The following PTPRG variants were observed in gnomAD, a reference collection of about 807,000 sequenced individuals.
PTPRG encodes protein tyrosine phosphatase receptor type G, also known as receptor-type tyrosine-protein phosphatase gamma.
A neutral mutation model predicts 165.3 loss-of-function variants in PTPRG; 102 were observed. The observed-to-expected ratio is 0.62, with a 90% CI of 0.53 to 0.73. The LOEUF (loss-of-function observed/expected upper bound fraction) is 0.73, where lower values mean the gene tolerates loss of function less well. Among genes scored for constraint, PTPRG ranks in the 30% least tolerant of loss-of-function variants. The probability of loss-of-function intolerance (pLI) is 0.00; values close to 1 mark genes in which losing one functional copy is unlikely to be tolerated. For synonymous variants in PTPRG, 675 were observed against 669.5 expected (o/e 1.01, Z -0.13); for missense variants, 1,866 against 1,861.4 (o/e 1.00, Z -0.05).
At chr3:61,872,062 T>A (rs1393541052) in intron 2 of PTPRG, among the ~76,000 whole-genome samples, 1 of 152,232 alleles carries the variant, frequency 6.6e-6, no homozygotes, top group Non-Finnish European at 1.5e-5. Flanking sequence ...TATATTCCAT[T>A]GACTGTTGAA....
At chr3:62,157,303 A>G (rs2106699105) in intron 7 of PTPRG, 79 bp downstream of exon 7, 2 of 1,411,784 alleles carry the variant, frequency 1.4e-6, no homozygotes, top group South Asian at 2.7e-5. Context: ...GCTAGAGTAT[A>G]CCACTAAGGA....
rs78611124 is a variant in PTPRG at position 61,999,383 on chromosome 3, C to T, written c.371-3966C>T. On this transcript the variant is annotated intron_variant, in intron 3 of 29. Transcript: ENST00000474889. The stretch of plus-strand genomic sequence containing the variant: ...TTTTGAAGTGCACTAATCCCATTCA[C>T]GAGGGTTCCACCCTCATGGCCTAAT... Among the ~76,000 whole-genome samples the T allele has an allele frequency of 1.8e-3, 272 of 152,230 alleles. 2 individuals are homozygous for T. The highest frequency in any genetic ancestry group is 6.3e-3 in the African/African-American group (260 of 41,536).
chr3:61,758,235 AT>A (rs1328328784), intron 2 of PTPRG, among the ~76,000 whole-genome samples: 1 of 151,976 alleles, frequency 6.6e-6, no homozygotes, highest in Admixed American at 6.6e-5. Context: ...AGTATTCCCG[AT>A]TTAGCCTCTC....
intron 4 of PTPRG, among the ~76,000 whole-genome samples, chr3:62,057,230 A>G (rs183735379): frequency 2.7e-4 from 41 of 152,174 alleles, no homozygotes; most frequent in Non-Finnish European, 5.4e-4. Context: ...TGGGTTTTTA[A>G]CCCTGGTGTT....
At chr3:61,830,487 A>G (rs1408746598) in intron 2 of PTPRG, among the ~76,000 whole-genome samples, 4 of 151,814 alleles carry the variant, frequency 2.6e-5, no homozygotes, top group Admixed American at 6.6e-5. Context: ...GATTCTTGAC[A>G]GATTTGTCCA....
Position 61,584,423 on chromosome 3 carries a change from A to G in PTPRG, c.85+22051A>G, listed in dbSNP as rs1031380018. On this transcript the variant is annotated intron_variant, in intron 1 of 29. Coordinates refer to ENST00000474889, the MANE Select transcript of PTPRG (RefSeq NM_002841.4). ...ATTACCTCCAGAGTTCCTCTCTCTTATCGTATCTTGTCCCTCGCTCCATTT... is the reference window on the plus strand; with the variant it reads ...ATTACCTCCAGAGTTCCTCTCTCTTGTCGTATCTTGTCCCTCGCTCCATTT... Among the ~76,000 whole-genome samples the G allele has an allele frequency of 4.6e-5, 7 of 151,864 alleles. No homozygotes were observed. The South Asian group carries it at 8.3e-4, about 18-fold the overall frequency.
At chr3:61,825,809 C>G (rs567712985) in intron 2 of PTPRG, among the ~76,000 whole-genome samples, 3 of 138,104 alleles carry the variant, frequency 2.2e-5, no homozygotes, top group South Asian at 2.4e-4. Flanking sequence ...CCACATCCAG[C>G]TACTTTTTGT....
At chr3:62,075,360 G>T (rs980343548) in intron 4 of PTPRG, among the ~76,000 whole-genome samples, 1 of 152,058 alleles carries the variant, frequency 6.6e-6, no homozygotes. Flanking sequence ...TTCTTTCTTG[G>T]GTTAGTAGTA....
At chr3:62,136,596 T>C (rs751475159) in intron 6 of PTPRG, among the ~76,000 whole-genome samples, 1 of 152,172 alleles carries the variant, frequency 6.6e-6, no homozygotes, top group Non-Finnish European at 1.5e-5. Context: ...CTAAATCTCA[T>C]CTTGAATTCC....
intron 5 of PTPRG, among the ~76,000 whole-genome samples, chr3:62,121,816 A>C (rs915651868): frequency 6.6e-6 from 1 of 152,224 alleles, no homozygotes; most frequent in African/African-American, 2.4e-5. Context: ...ATTTTCTCAG[A>C]GGAGAGAGAG....
chr3:61,858,647 A>G (rs551920316), intron 2 of PTPRG, among the ~76,000 whole-genome samples: 1 of 152,200 alleles, frequency 6.6e-6, no homozygotes, highest in Non-Finnish European at 1.5e-5. Flanking sequence ...AGTCTCTATT[A>G]GTACTTAAGA....
At chr3:61,616,302 C>G (rs1701294843) in intron 1 of PTPRG, among the ~76,000 whole-genome samples, 1 of 152,170 alleles carries the variant, frequency 6.6e-6, no homozygotes, top group Non-Finnish European at 1.5e-5. Context: ...GATATTGCAG[C>G]CCCCAGGCCC....
chr3:61,694,754 T>C (rs945339679), intron 1 of PTPRG, among the ~76,000 whole-genome samples: 2 of 152,230 alleles, frequency 1.3e-5, no homozygotes, highest in African/African-American at 4.8e-5. Context: ...TGTATTGATT[T>C]AGAATGATTT....
chr3:61,781,909 A>G (rs1045567037), intron 2 of PTPRG, among the ~76,000 whole-genome samples: 2 of 48,856 alleles, frequency 4.1e-5, no homozygotes, highest in African/African-American at 1.4e-4. Context: ...TTTTTTTTTT[A>G]TGGTAGAGAT....
intron 1 of PTPRG, among the ~76,000 whole-genome samples, chr3:61,681,176 G>C (rs1331692875): frequency 6.6e-6 from 1 of 150,482 alleles, no homozygotes; most frequent in African/African-American, 2.4e-5. Flanking sequence ...CTTTTAGCTT[G>C]TGAAAAGCTT....
At chr3:62,111,871 C>T (rs532206934) in intron 5 of PTPRG, among the ~76,000 whole-genome samples, 40 of 152,312 alleles carry the variant, frequency 2.6e-4, no homozygotes, top group African/African-American at 9.6e-4. Flanking sequence ...TTTTGCATAT[C>T]TGTCCTCAAA....
chr3:61,843,275 T>G lies in PTPRG; in HGVS notation c.190+94293T>G. Among the ~76,000 whole-genome samples the G allele has an allele frequency of 1.3e-5, 2 of 152,160 alleles. 1 individual carries two copies. The highest frequency in any genetic ancestry group is 2.9e-5 in the Non-Finnish European group (2 of 68,024). On this transcript the variant is annotated intron_variant, in intron 2 of 29. Transcript: ENST00000474889. ...AACAAACAAAATCAAGGGTTTATACTGTAAGAAAAAGCATAGAATAAAGTT... is the reference window on the plus strand; with the variant it reads ...AACAAACAAAATCAAGGGTTTATACGGTAAGAAAAAGCATAGAATAAAGTT...
intron 6 of PTPRG, among the ~76,000 whole-genome samples, chr3:62,133,518 C>T (rs544318435): frequency 1.3e-5 from 2 of 152,184 alleles, no homozygotes; most frequent in Non-Finnish European, 2.9e-5. Flanking sequence ...CATCTTCCCC[C>T]TCTCTTTCCG....
At chr3:62,154,137 C>CT (rs1704448251) in intron 6 of PTPRG, among the ~76,000 whole-genome samples, 1 of 152,174 alleles carries the variant, frequency 6.6e-6, no homozygotes, top group Non-Finnish European at 1.5e-5. Context: ...GCCACCAGGG[C>CT]TGACTTAACT....
Sources: gnomAD v4.1 joint callset for allele counts (sites outside exome capture counted in the v4.1 genomes callset) on GRCh38, gnomAD v4.1.1 for gene constraint, MANE v1.5 for transcripts, NCBI Gene and HGNC (gene_info 2026-07-23, HGNC 2026-07-21) for gene names.